Variants in RFTN2 observed in about 807,000 individuals in gnomAD.
The protein encoded by RFTN2 is raftlin family member 2.
Under a neutral mutation model 52.7 loss-of-function variants are expected in RFTN2, and 34 were observed. The observed-to-expected ratio is 0.64, with a 90% confidence interval of 0.49 to 0.86. The LOEUF is 0.86. Ranked by LOEUF, RFTN2 falls within the 40% of genes least tolerant of loss-of-function variation. The pLI, the probability that RFTN2 is intolerant of heterozygous loss-of-function variation, is 0.00. For missense variants in RFTN2, 536 were observed against 600.1 expected, an observed-to-expected ratio of 0.89 and a Z score of 1.12; for synonymous variants, 203 against 217.7, an observed-to-expected ratio of 0.93 and a Z score of 0.59.
intron 1 of RFTN2, among the ~76,000 whole-genome samples, chr2:197,672,093 T>C (rs2089154731): frequency 6.6e-6 from 1 of 152,342 alleles, no homozygotes; most frequent in South Asian, 2.1e-4. Context: ...ATTGTTACTT[T>C]ATCATAATAC....
intron 1 of RFTN2, among the ~76,000 whole-genome samples, chr2:197,662,755 G>A (rs1238291575): frequency 6.6e-6 from 1 of 151,720 alleles, no homozygotes; most frequent in Non-Finnish European, 1.5e-5. Flanking sequence ...CTTTTGTTTG[G>A]TGTCCTCTTC....
At chr2:197,612,884 A>G (rs1188222168) in intron 7 of RFTN2, among the ~76,000 whole-genome samples, 1 of 152,198 alleles carries the variant, frequency 6.6e-6, no homozygotes, top group Non-Finnish European at 1.5e-5. Context: ...AGTAGGGAGA[A>G]TGTTGAAATT....
At chr2:197,572,795 C>T (rs1288917756) in intron 8 of RFTN2, among the ~76,000 whole-genome samples, 2 of 146,880 alleles carry the variant, frequency 1.4e-5, no homozygotes, top group African/African-American at 4.9e-5. Flanking sequence ...CCCATATTTC[C>T]CATGTGTTGT....
chr2:197,665,405 G>T (rs1254361723), intron 1 of RFTN2, among the ~76,000 whole-genome samples: 1 of 151,598 alleles, frequency 6.6e-6, no homozygotes, highest in East Asian at 1.9e-4. Context: ...TCTCTCTTTA[G>T]ATCTAGCAAT....
intron 5 of RFTN2, among the ~76,000 whole-genome samples, chr2:197,627,852 A>C (rs1377535038): frequency 6.6e-6 from 1 of 151,964 alleles, no homozygotes; most frequent in Admixed American, 6.6e-5. Context: ...TGAAGTAGAA[A>C]ACTTTTTGAA....
chr2:197,580,695 C>G (rs1412088859), intron 8 of RFTN2, among the ~76,000 whole-genome samples: 1 of 152,208 alleles, frequency 6.6e-6, no homozygotes, highest in Non-Finnish European at 1.5e-5. Flanking sequence ...AATATGGAGG[C>G]TACCCACTCT....
intron 8 of RFTN2, among the ~76,000 whole-genome samples, chr2:197,573,505 A>G (rs1037902837): frequency 6.6e-5 from 10 of 152,342 alleles, no homozygotes; most frequent in Non-Finnish European, 2.9e-5. Flanking sequence ...TACTGTTAAA[A>G]ACATTCAGTT....
intron 8 of RFTN2, among the ~76,000 whole-genome samples, chr2:197,583,218 T>A (rs1192989650): frequency 6.6e-6 from 1 of 152,146 alleles, no homozygotes; most frequent in Non-Finnish European, 1.5e-5. Flanking sequence ...CTCCCTCACT[T>A]CCCTACACAT....
intron 5 of RFTN2, among the ~76,000 whole-genome samples, chr2:197,619,423 C>T (rs2088218637): frequency 6.6e-6 from 1 of 152,196 alleles, no homozygotes; most frequent in Non-Finnish European, 1.5e-5. Context: ...CCTTGGGATC[C>T]TGTTGATTGG....
At chr2:197,617,714 A>C (rs1574710567) in intron 6 of RFTN2, 86 bp downstream of exon 6, 1 of 528,120 alleles carries the variant, frequency 1.9e-6, no homozygotes, top group East Asian at 8.2e-5. Flanking sequence ...CAAACAAACA[A>C]ATGAAAAACC....
In RFTN2 at chr2:197,633,780, C is replaced by A; in HGVS notation, c.656G>T (p.Ser219Ile). The A allele has an allele frequency of 6.2e-7, 1 of 1,613,874 alleles. No individual in the cohort carries two copies. Among genetic ancestry groups the A allele is most frequent in the African/African-American group, 1.3e-5 (1 of 75,058 alleles). ...ATTTTGTTCCATTTGATACTGTCCA[C>A]TTTCATGATGAAGTTCTTCCTCAAT... is the stretch of plus-strand genomic sequence containing the variant. ...SGIEEELHHE[S>I]GQYQMEQNGS... Residue 219 changes from serine (S) to isoleucine (I), a missense_variant, in exon 4 of 9, where the codon AGT (serine) becomes ATT (isoleucine). Physicochemically the swap from Ser to Ile is moderately radical, Grantham distance 142. Transcript: ENST00000295049.
At chr2:197,672,561 A>C (rs1161036645) in intron 1 of RFTN2, among the ~76,000 whole-genome samples, 1 of 152,180 alleles carries the variant, frequency 6.6e-6, no homozygotes, top group Non-Finnish European at 1.5e-5. Context: ...CATAACAGTT[A>C]ATCTTTATCA....
chr2:197,650,789 T>C (rs2088815112), intron 1 of RFTN2, among the ~76,000 whole-genome samples: 1 of 152,218 alleles, frequency 6.6e-6, no homozygotes, highest in African/African-American at 2.4e-5. Context: ...CTGCTTTTGA[T>C]TATTTTAAAT....
chr2:197,606,580 T>C (rs2087964923), intron 7 of RFTN2, among the ~76,000 whole-genome samples: 1 of 151,986 alleles, frequency 6.6e-6, no homozygotes. Flanking sequence ...AACCTACTCA[T>C]CTGACAAAGG....
intron 7 of RFTN2, among the ~76,000 whole-genome samples, chr2:197,606,869 T>C (rs2087970131): frequency 1.3e-5 from 2 of 152,186 alleles, no homozygotes; most frequent in South Asian, 4.2e-4. Flanking sequence ...GGAACACTTT[T>C]ACACTGTTGG....
intron 2 of RFTN2, 146 bp downstream of exon 2, chr2:197,646,337 A>C: frequency 1.7e-6 from 1 of 584,302 alleles, no homozygotes; most frequent in Non-Finnish European, 2.9e-6. Context: ...TCCTTGCTTC[A>C]ATCCAGGTTC....
rs2087327319 is a variant in RFTN2 at position 197,572,086 on chromosome 2, G to A, written c.1428C>T (p.Ser476=). Residue 476 remains serine, a synonymous_variant, in exon 9 of 9, where the codon AGC becomes AGT. Coordinates refer to ENST00000295049, the MANE Select transcript of RFTN2 (RefSeq NM_144629.3). ...CTAATTCCCGGAGGACGTTGTCACT[G>A]CTGCTGAACCCAGAGAAGCTGTTGT... ...AQHNSFSGFS[S]SDNVLRELDD... 6.2e-7 allele frequency: 1 copy of A among 1,614,082 alleles called. No individual in the cohort carries two copies. Among genetic ancestry groups the A allele is most frequent in the Non-Finnish European group, 8.5e-7 (1 of 1,180,028 alleles).
chr2:197,635,481 T>A (rs1376893993), intron 3 of RFTN2, among the ~76,000 whole-genome samples: 1 of 152,180 alleles, frequency 6.6e-6, no homozygotes, highest in African/African-American at 2.4e-5. Flanking sequence ...ATTTCTCTGA[T>A]GGCCAGTGAT....
chr2:197,663,672 T>G (rs909536970), intron 1 of RFTN2, among the ~76,000 whole-genome samples: 1 of 152,168 alleles, frequency 6.6e-6, no homozygotes, highest in African/African-American at 2.4e-5. Context: ...TCAGTTGTAA[T>G]GTCTCCTTTT....
Sources: gnomAD v4.1 joint callset for allele counts (sites outside exome capture counted in the v4.1 genomes callset) on GRCh38, gnomAD v4.1.1 for gene constraint, MANE v1.5 for transcripts, NCBI Gene and HGNC (gene_info 2026-07-23, HGNC 2026-07-21) for gene names.